The following ATP8A1 variants were observed in gnomAD, a reference collection of about 807,000 sequenced individuals.
The protein encoded by ATP8A1 is ATPase phospholipid transporting 8A1, also known as phospholipid-transporting ATPase IA.
In ATP8A1, 90 loss-of-function variants were observed where a neutral mutation model predicts 177.7. The ratio of observed to expected loss-of-function variants is 0.51; its 90% confidence interval spans 0.43 to 0.60. The LOEUF is 0.60. Ranked by LOEUF, ATP8A1 falls within the 20% of genes least tolerant of loss-of-function variation. The pLI, the probability that ATP8A1 is intolerant of heterozygous loss-of-function variation, is 0.00. For synonymous variants in ATP8A1, 493 were observed against 485.9 expected, an observed-to-expected ratio of 1.01 and a Z score of -0.19; for missense variants, 1,072 against 1,392.8, an observed-to-expected ratio of 0.77 and a Z score of 3.67.
intron 10 of ATP8A1, among the ~76,000 whole-genome samples, chr4:42,581,345 GC>G (rs1733044154): frequency 6.6e-6 from 1 of 152,200 alleles, no homozygotes; most frequent in South Asian, 2.1e-4. Context: ...GTGTTAGCCA[GC>G]ATGATCTTGA....
intron 17 of ATP8A1, among the ~76,000 whole-genome samples, chr4:42,551,835 T>G (rs984965933): frequency 6.6e-6 from 1 of 152,172 alleles, no homozygotes; most frequent in Admixed American, 6.5e-5. Flanking sequence ...ACATAACAAT[T>G]CTTATGCTTT....
At chr4:42,471,581 TA>T (rs764755084) in intron 25 of ATP8A1, among the ~76,000 whole-genome samples, 1 of 152,236 alleles carries the variant, frequency 6.6e-6, no homozygotes, top group Non-Finnish European at 1.5e-5. Context: ...ATGTGTGCAC[TA>T]ATTAGCAAAT....
At chr4:42,465,139 T>C (rs1719599351) in intron 25 of ATP8A1, 63 bp from the exon 26 acceptor site, 1 of 1,420,986 alleles carries the variant, frequency 7.0e-7, no homozygotes, top group Admixed American at 2.0e-5. Context: ...AATGCCATCG[T>C]GTTGAAGGAT....
intron 5 of ATP8A1, among the ~76,000 whole-genome samples, chr4:42,605,414 A>G (rs1735696232): frequency 7.1e-6 from 1 of 140,958 alleles, no homozygotes; most frequent in Non-Finnish European, 1.6e-5. Context: ...GACTTTACAG[A>G]TGTTTGTTAG....
chr4:42,473,398 G>A (rs959843489), intron 25 of ATP8A1, among the ~76,000 whole-genome samples: 3 of 152,110 alleles, frequency 2.0e-5, no homozygotes, highest in African/African-American at 7.2e-5. Context: ...TCAACGCCAT[G>A]CCACCTCTCT....
chr4:42,486,421 T>A (rs1184940994), intron 24 of ATP8A1, among the ~76,000 whole-genome samples: 1 of 152,226 alleles, frequency 6.6e-6, no homozygotes, highest in East Asian at 1.9e-4. Flanking sequence ...TACATTGATT[T>A]CTTTATTATG....
intron 6 of ATP8A1, among the ~76,000 whole-genome samples, chr4:42,592,134 T>G (rs1354131901): frequency 6.6e-6 from 1 of 152,196 alleles, no homozygotes; most frequent in East Asian, 1.9e-4. Flanking sequence ...TGGATTGAAA[T>G]GTCTAGCAGC....
At chr4:42,563,237 G>A (rs1056909248) in intron 15 of ATP8A1, among the ~76,000 whole-genome samples, 3 of 152,216 alleles carry the variant, frequency 2.0e-5, no homozygotes, top group Non-Finnish European at 1.5e-5. Context: ...GAGAAAAGGT[G>A]ACTCTTGTTA....
chr4:42,632,876 A>G (rs1324187833), intron 1 of ATP8A1, among the ~76,000 whole-genome samples: 1 of 152,200 alleles, frequency 6.6e-6, no homozygotes, highest in African/African-American at 2.4e-5. Flanking sequence ...TAAAATGGGG[A>G]AGCCAGGCTA....
At position 42,543,091 on chromosome 4, in the gene ATP8A1, A is replaced by C. The variant is rs372199264; in HGVS notation, c.1722+826T>G. 1.9e-4 allele frequency among the ~76,000 whole-genome samples: 29 copies of C among 152,336 alleles called. No individual in the cohort carries two copies. In the East Asian group the frequency reaches 5.6e-3, roughly 29 times the overall value. On this transcript the variant is annotated intron_variant, in intron 20 of 36. Coordinates refer to ENST00000381668, the MANE Select transcript of ATP8A1 (RefSeq NM_006095.2). ...TAAATTCATGAGACATCATGAAATA[A>C]TTCTACCAAAATGCTTTAAAATCAA...
intron 1 of ATP8A1, among the ~76,000 whole-genome samples, chr4:42,630,091 T>G (rs747239383): frequency 5.3e-5 from 8 of 152,232 alleles, no homozygotes; most frequent in Non-Finnish European, 8.8e-5. Context: ...TTTCATTTTT[T>G]TATTTCCTCT....
intron 24 of ATP8A1, among the ~76,000 whole-genome samples, chr4:42,494,211 G>A (rs1265465960): frequency 7.4e-6 from 1 of 135,512 alleles, no homozygotes; most frequent in African/African-American, 2.7e-5. Flanking sequence ...GGTGGCTCAT[G>A]TCTGTAATCC....
chr4:42,581,030 T>A (rs1732985086), intron 10 of ATP8A1, among the ~76,000 whole-genome samples: 1 of 152,242 alleles, frequency 6.6e-6, no homozygotes, highest in South Asian at 2.1e-4. Flanking sequence ...ATAATCACTA[T>A]AATAGTTAGT....
intron 1 of ATP8A1, among the ~76,000 whole-genome samples, chr4:42,635,778 C>T (rs1404453294): frequency 0.025 from 831 of 33,230 alleles, 11 homozygotes; most frequent in African/African-American, 0.085. Flanking sequence ...CACACACACA[C>T]ACACATATAT....
chr4:42,555,856 AAAAGATCATG>A, intron 16 of ATP8A1, 102 bp downstream of exon 16: 2 of 723,694 alleles, frequency 2.8e-6, no homozygotes, highest in Non-Finnish European at 4.4e-6. Flanking sequence ...ATAAATAAAT[AAAAGATCATG>A]AAAGTAAAAA....
rs1419871859 is a variant in ATP8A1 at position 42,552,669 on chromosome 4, G to A, written c.1414-59C>T. 8.4e-6 allele frequency: 10 copies of A among 1,186,918 alleles called. No individual in the cohort carries two copies. In the Admixed American group the frequency reaches 1.1e-4, roughly 13 times the overall value. The allele number at this position is 1,186,918 out of a possible 1,614,324, so 73.5% of individuals were successfully genotyped here. ...TCATGTGAACATTTTGACACTGACAGTAATATTACTTCATGTCTATTAAGA... is the reference window on the plus strand; with the variant it reads ...TCATGTGAACATTTTGACACTGACAATAATATTACTTCATGTCTATTAAGA... On this transcript the variant is annotated intron_variant, in intron 16 of 36. Coordinates refer to ENST00000381668, the MANE Select transcript of ATP8A1 (RefSeq NM_006095.2).
intron 31 of ATP8A1, among the ~76,000 whole-genome samples, chr4:42,444,910 G>C (rs999376663): frequency 6.6e-6 from 1 of 152,182 alleles, no homozygotes; most frequent in Non-Finnish European, 1.5e-5. Context: ...GAGTTCCTCT[G>C]TATGTGTTTT....
intron 33 of ATP8A1, among the ~76,000 whole-genome samples, chr4:42,432,178 T>C (rs574586710): frequency 6.6e-6 from 1 of 152,296 alleles, no homozygotes; most frequent in South Asian, 2.1e-4. Flanking sequence ...GAAGATCTTA[T>C]TCATGAAACC....
chr4:42,438,579 T>C (rs1716263295), intron 33 of ATP8A1, among the ~76,000 whole-genome samples: 1 of 152,146 alleles, frequency 6.6e-6, no homozygotes, highest in African/African-American at 2.4e-5. Flanking sequence ...ATTATAACTC[T>C]GGGCACTTTT....
Sources: allele counts gnomAD v4.1 joint callset (sites outside exome capture counted in the v4.1 genomes callset), GRCh38; gene constraint gnomAD v4.1.1; transcripts MANE v1.5; gene names NCBI Gene and HGNC (gene_info 2026-07-23, HGNC 2026-07-21).